Variants in USP47 observed in about 807,000 individuals in gnomAD.
The protein encoded by USP47 is ubiquitin specific peptidase 47.
USP47 carries 35 observed loss-of-function variants against 165.1 expected under a neutral mutation model. That is an observed-to-expected ratio of 0.21 (90% CI 0.16 to 0.28). The LOEUF is 0.28. USP47 is among the 10% of genes least tolerant of loss of function. The pLI, the probability that USP47 is intolerant of heterozygous loss-of-function variation, is 1.00. For synonymous variants in USP47, 531 were observed against 544.5 expected, an observed-to-expected ratio of 0.98 and a Z score of 0.35; for missense variants, 1,277 against 1,607.4, an observed-to-expected ratio of 0.79 and a Z score of 3.52.
chr11:11,867,138 G>A (rs1416509827), intron 1 of USP47, among the ~76,000 whole-genome samples: 1 of 152,118 alleles, frequency 6.6e-6, no homozygotes, highest in African/African-American at 2.4e-5. Flanking sequence ...CTCAGGTGAT[G>A]CGCCCACCCG....
chr11:11,897,835 A>T (rs1231558578), intron 5 of USP47, 142 bp downstream of exon 5: 2 of 578,334 alleles, frequency 3.5e-6, no homozygotes, highest in South Asian at 5.1e-5. Context: ...CTTACGTAAT[A>T]ACAAAGATCT....
intron 1 of USP47, among the ~76,000 whole-genome samples, chr11:11,875,246 A>T (rs1316355417): frequency 6.6e-6 from 1 of 152,092 alleles, no homozygotes; most frequent in Non-Finnish European, 1.5e-5. Context: ...ATAATTTTGA[A>T]TTTTGATATT....
In USP47 at chr11:11,909,980, G is replaced by A. The variant is rs561595399; in HGVS notation, c.969+4432G>A. On this transcript the variant is annotated intron_variant, in intron 8 of 27. Coordinates refer to ENST00000527733, the MANE Select transcript of USP47 (RefSeq NM_001282659.2). Reference sequence around the variant, plus strand: ...CCACAGAACTCATTTGGGTGAAGCAGTGGTCCAAATTTGTCCAAATATGTA... The same window carrying A: ...CCACAGAACTCATTTGGGTGAAGCAATGGTCCAAATTTGTCCAAATATGTA... 3.9e-5 allele frequency among the ~76,000 whole-genome samples: 6 copies of A among 152,298 alleles called. No homozygotes were observed. In the South Asian group the frequency reaches 1.2e-3, roughly 32 times the overall value.
chr11:11,892,885 C>T (rs1026230126), intron 4 of USP47, among the ~76,000 whole-genome samples: 1 of 146,202 alleles, frequency 6.8e-6, no homozygotes, highest in Non-Finnish European at 1.5e-5. Flanking sequence ...TCTATTTTGA[C>T]TATACTCTGA....
At chr11:11,886,811 A>G (rs1851193142) in intron 3 of USP47, among the ~76,000 whole-genome samples, 1 of 152,168 alleles carries the variant, frequency 6.6e-6, no homozygotes, top group Non-Finnish European at 1.5e-5. Flanking sequence ...CAAGGTCAAA[A>G]TGAAATAAAA....
chr11:11,878,948 A>G (rs1850656590), intron 1 of USP47, among the ~76,000 whole-genome samples: 1 of 152,206 alleles, frequency 6.6e-6, no homozygotes, highest in African/African-American at 2.4e-5. Context: ...ATAGTGTTAT[A>G]AAAACTAAGG....
rs188431516 is a variant in USP47 at position 11,942,877 on chromosome 11, C to T, written c.2856C>T (p.Cys952=). Residue 952 remains cysteine (C), a synonymous_variant, in exon 20 of 28, where the codon TGC becomes TGT. Coordinates refer to ENST00000527733, the MANE Select transcript of USP47 (RefSeq NM_001282659.2). ...CCAGTCATAGCAGTGATACTTTGTG[C>T]AATGCAGACAATGCTCAGATCCCTT... ...LSSSHSSDTL[C]NADNAQIPLA... The T allele has an allele frequency of 1.0e-3, 1,677 of 1,613,660 alleles. 3 individuals carry two copies. The highest frequency in any genetic ancestry group is 1.1e-3 in the Non-Finnish European group (1,274 of 1,179,742).
intron 4 of USP47, among the ~76,000 whole-genome samples, chr11:11,893,451 A>G (rs948130979): frequency 6.6e-6 from 1 of 152,128 alleles, no homozygotes. Context: ...TTATTATGTT[A>G]TAGAGATTAG....
At chr11:11,883,851 A>T (rs570800685) in intron 2 of USP47, among the ~76,000 whole-genome samples, 1 of 152,042 alleles carries the variant, frequency 6.6e-6, no homozygotes, top group African/African-American at 2.4e-5. Flanking sequence ...TCACTTCCAT[A>T]CCCCCTGGGT....
At chr11:11,846,492 A>G (rs943715026) in intron 1 of USP47, among the ~76,000 whole-genome samples, 19 of 152,168 alleles carry the variant, frequency 1.2e-4, no homozygotes, top group Non-Finnish European at 2.5e-4. Flanking sequence ...AAGGAAAAAG[A>G]GTAGAAATGT....
chr11:11,901,195 A>T (rs1299406519), intron 5 of USP47, among the ~76,000 whole-genome samples: 3 of 152,172 alleles, frequency 2.0e-5, no homozygotes, highest in Admixed American at 2.0e-4. Context: ...CTCAGTCCTA[A>T]AGTAAGAAAA....
rs1478806257 is a variant in USP47, at chr11:11,948,353, A to G, written c.3268-125A>G. ...TTCTAGGTGCTGGGGATTCAGAGGT[A>G]AAAGATATGCCTGTTCTCAGAGAGC... is the stretch of plus-strand genomic sequence containing the variant. On this transcript the variant is annotated intron_variant, in intron 21 of 27. Transcript: ENST00000527733. The G allele has an allele frequency of 3.6e-5, 32 of 885,310 alleles. No homozygotes were observed. In the Admixed American group the frequency reaches 8.8e-4, roughly 24 times the overall value. 54.8% of individuals were successfully genotyped at this position (885,310 alleles called of 1,614,324 possible).
At chr11:11,843,071 T>C (rs1848229570) in intron 1 of USP47, among the ~76,000 whole-genome samples, 1 of 152,192 alleles carries the variant, frequency 6.6e-6, no homozygotes, top group Non-Finnish European at 1.5e-5. Flanking sequence ...TTTAACTGGC[T>C]GATCATCAGG....
chr11:11,903,530 C>T (rs1455988623), intron 7 of USP47, among the ~76,000 whole-genome samples, 188 bp downstream of exon 7: 1 of 152,126 alleles, frequency 6.6e-6, no homozygotes, highest in African/African-American at 2.4e-5. Context: ...CATCATTAAA[C>T]CACCCTAGAC....
At chr11:11,907,079 A>G in intron 8 of USP47, among the ~76,000 whole-genome samples, 1 of 152,256 alleles carries the variant, frequency 6.6e-6, no homozygotes, top group Non-Finnish European at 1.5e-5. Context: ...TTCAGCAAAT[A>G]TAATTGCTCA....
chr11:11,939,054 A>G (rs1476970907), intron 18 of USP47, among the ~76,000 whole-genome samples: 2 of 151,998 alleles, frequency 1.3e-5, no homozygotes, highest in African/African-American at 2.4e-5. Flanking sequence ...TGGTGCCATT[A>G]TGTGAGCTAG....
chr11:11,934,095 A>G (rs1854881165), intron 16 of USP47, among the ~76,000 whole-genome samples, 160 bp downstream of exon 16: 1 of 152,056 alleles, frequency 6.6e-6, no homozygotes, highest in South Asian at 2.1e-4. Flanking sequence ...TCTCCTTTGG[A>G]GCATAGTCAG....
chr11:11,884,758 C>G, intron 3 of USP47, 178 bp downstream of exon 3: 1 of 516,358 alleles, frequency 1.9e-6, no homozygotes, highest in East Asian at 3.3e-5. Context: ...CACTGGACAT[C>G]CACAGCAACA....
intron 3 of USP47, among the ~76,000 whole-genome samples, chr11:11,886,388 A>G (rs10765895): frequency 0.78 from 119,382 of 152,174 alleles, 47,569 homozygotes; most frequent in African/African-American, 0.93. Context: ...CCAGTTCAGA[A>G]AGGAACATTA....
Sources: allele counts gnomAD v4.1 joint callset (sites outside exome capture counted in the v4.1 genomes callset), GRCh38; gene constraint gnomAD v4.1.1; transcripts MANE v1.5; gene names NCBI Gene and HGNC (gene_info 2026-07-23, HGNC 2026-07-21).